TEKT1: variants seen among roughly 807,000 people sequenced by gnomAD.
TEKT1 encodes tektin-1.
In TEKT1, 32 loss-of-function variants were observed where a neutral mutation model predicts 34.8. The observed-to-expected ratio is 0.92, with a 90% CI of 0.69 to 1.23. The LOEUF (loss-of-function observed/expected upper bound fraction) is 1.23. Ranked by LOEUF, TEKT1 falls within the 50% of genes most tolerant of loss-of-function variation. The pLI is 0.00. For synonymous variants in TEKT1, 207 were observed against 199.8 expected (o/e 1.04, Z -0.30); for missense variants, 492 against 518.5 (o/e 0.95, Z 0.50).
chr17:6,812,807 C>T (rs750663557), intron 6 of TEKT1, 24 bp downstream of exon 6: 2 of 1,604,842 alleles, frequency 1.2e-6, no homozygotes, highest in Non-Finnish European at 1.7e-6. Flanking sequence ...TGCTCTTCTT[C>T]CATGCTCCCT....
intron 2 of TEKT1, among the ~76,000 whole-genome samples, chr17:6,828,146 A>G (rs753560743): frequency 2.6e-5 from 4 of 152,050 alleles, no homozygotes; most frequent in Non-Finnish European, 5.9e-5. Flanking sequence ...GGGTTTCACC[A>G]TGTTAGCCAG....
At chr17:6,821,178 T>A (rs1977084120) in intron 2 of TEKT1, among the ~76,000 whole-genome samples, 2 of 152,328 alleles carry the variant, frequency 1.3e-5, no homozygotes, top group African/African-American at 4.8e-5. Flanking sequence ...ATGCCAGATA[T>A]ACCCTTTGAT....
Position 6,814,100 on chromosome 17 carries a change from G to A in TEKT1, c.630-1047C>T, listed in dbSNP as rs550775141. On this transcript the variant is annotated intron_variant, in intron 5 of 7. Coordinates refer to ENST00000338694, the MANE Select transcript of TEKT1 (RefSeq NM_053285.2). Reference sequence around the variant, plus strand: ...ATCAGCTTGGAATTGGACCCCACCCGGGTCAAGCCTTCAGATGGATTGCAA... The same window carrying A: ...ATCAGCTTGGAATTGGACCCCACCCAGGTCAAGCCTTCAGATGGATTGCAA... Among the ~76,000 whole-genome samples the A allele has an allele frequency of 2.4e-3, 370 of 151,922 alleles. 1 individual carries two copies. The highest frequency in any genetic ancestry group is 4.1e-3 in the Non-Finnish European group (278 of 68,000).
In TEKT1 at chr17:6,804,187, A is replaced by G. The variant is rs373802124; in HGVS notation, c.853-3244T>C. ...AAGAGGTCCTTCACATCCCTTGTAA[A>G]TTGGATTCCTAGGTATTTTATTCTC... On this transcript the variant is annotated intron_variant, in intron 6 of 7. Coordinates refer to ENST00000338694, the MANE Select transcript of TEKT1 (RefSeq NM_053285.2). Among the ~76,000 whole-genome samples, 1,132 of 151,740 alleles carry G rather than the reference A, an allele frequency of 7.5e-3. 18 individuals carry two copies. Among genetic ancestry groups the G allele is most frequent in the African/African-American group, 0.026 (1,088 of 41,278 alleles).
At chr17:6,817,387 TA>T (rs1977021553) in intron 3 of TEKT1, among the ~76,000 whole-genome samples, 1 of 152,102 alleles carries the variant, frequency 6.6e-6, no homozygotes, top group African/African-American at 2.4e-5. Context: ...AAAAAAATTT[TA>T]AAAGATGTTT....
In TEKT1 at chr17:6,813,043, G is replaced by T; in HGVS notation, c.640C>A (p.Leu214Met). The change falls in exon 6 of 8, where the codon CTG becomes ATG. Residue 214 changes from leucine (L) to methionine (M), a missense_variant. Coordinates refer to ENST00000338694, the MANE Select transcript of TEKT1 (RefSeq NM_053285.2). The stretch of plus-strand genomic sequence containing the variant: ...CTGGAGAAGTCCAACCAGTCTTCCA[G>T]ACTCACGGAGCTGAAACAGACCTCA... ...AVRIEPNSVS[L>M]EDWLDFSSTN... 1 of 1,613,528 alleles carries T rather than the reference G, an allele frequency of 6.2e-7. No individual in the cohort carries two copies. The highest frequency in any genetic ancestry group is 2.2e-5 in the East Asian group (1 of 44,872).
chr17:6,815,076 G>C, intron 5 of TEKT1, 87 bp downstream of exon 5: 4 of 1,508,276 alleles, frequency 2.7e-6, no homozygotes, highest in Non-Finnish European at 3.6e-6. Flanking sequence ...CAAGCTCTCA[G>C]CCAGCTGCAA....
intron 5 of TEKT1, among the ~76,000 whole-genome samples, chr17:6,813,719 T>C (rs951528645): frequency 6.6e-6 from 1 of 151,954 alleles, no homozygotes; most frequent in Non-Finnish European, 1.5e-5. Flanking sequence ...ATAGGGATGG[T>C]GATAATGTTT....
rs1429727507 is a variant in TEKT1, at chr17:6,815,911, C to T, written c.408G>A (p.Leu136=). 1 of 1,614,174 alleles carries T rather than the reference C, an allele frequency of 6.2e-7. No individual in the cohort carries two copies. Among genetic ancestry groups the T allele is most frequent in the East Asian group, 2.2e-5 (1 of 44,866 alleles). Residue 136 remains leucine, a synonymous_variant, in exon 4 of 8, where the codon CTG becomes CTA. Transcript: ENST00000338694. ...DLVHDTVEHE[L]IKEAEIIQGI... ...CCTGGATGATCTCAGCCTCCTTTAT[C>T]AGCTCATGCTCCACTGTGTCGTGCA... is the stretch of plus-strand genomic sequence containing the variant.
At chr17:6,826,834 T>C (rs1435172693) in intron 2 of TEKT1, among the ~76,000 whole-genome samples, 1 of 151,918 alleles carries the variant, frequency 6.6e-6, no homozygotes, top group Non-Finnish European at 1.5e-5. Context: ...TAGCTGGGAC[T>C]ACAGGCACCC....
At chr17:6,822,510 CT>C (rs1281552942) in intron 2 of TEKT1, among the ~76,000 whole-genome samples, 1 of 152,116 alleles carries the variant, frequency 6.6e-6, no homozygotes, top group Non-Finnish European at 1.5e-5. Context: ...ATTTTCTTGT[CT>C]TTTCTTTGCT....
chr17:6,824,345 C>T (rs1434720059), intron 2 of TEKT1, among the ~76,000 whole-genome samples: 2 of 152,060 alleles, frequency 1.3e-5, no homozygotes, highest in Non-Finnish European at 2.9e-5. Flanking sequence ...ACCCAATGAA[C>T]TGAACATTCC....
rs755612732 is a variant in TEKT1 at position 6,800,825 on chromosome 17, G to A, written c.971C>T (p.Pro324Leu). ...GACATCACGACACAGCTCCACGTTC[G>A]GCCGGTGTGTCCTGGTCTCCAAGCG... Reference protein sequence around the residue: ...HTRLETRTHRPNVELCRDVAQ... With the variant: ...HTRLETRTHRLNVELCRDVAQ... The change falls in exon 7 of 8, where the codon CCG (proline) becomes CTG (leucine). Residue 324 changes from proline (P) to leucine (L), a missense_variant. Pro to Leu is a moderately conservative substitution (Grantham distance 98, BLOSUM62 -3). Transcript: ENST00000338694. 23 of 1,614,000 alleles carry A rather than the reference G, an allele frequency of 1.4e-5. No individual in the cohort carries two copies. The East Asian group carries it at 2.9e-4, about 20-fold the overall frequency.
intron 3 of TEKT1, 132 bp from the exon 4 acceptor site, chr17:6,816,094 T>A: frequency 7.9e-7 from 1 of 1,259,736 alleles, no homozygotes; most frequent in Non-Finnish European, 1.1e-6. Context: ...GATGACACAG[T>A]GGGTGACAGA....
chr17:6,826,665 T>C (rs1904406002), intron 2 of TEKT1, among the ~76,000 whole-genome samples: 2 of 137,452 alleles, frequency 1.5e-5, no homozygotes, highest in South Asian at 2.3e-4. Context: ...GATAGATAGA[T>C]AGATAATACG....
chr17:6,821,931 G>GCAGCCTGATCATGTGGTAGAAAAGAAAAA (rs1382089303), intron 2 of TEKT1, among the ~76,000 whole-genome samples: 1 of 152,100 alleles, frequency 6.6e-6, no homozygotes, highest in African/African-American at 2.4e-5. Context: ...TAAAAGGGAT[G>GCAGCCTGATCATGTGGTAGAAAAGAAAAA]CTCTGCTTCC....
intron 2 of TEKT1, among the ~76,000 whole-genome samples, chr17:6,826,601 A>C (rs1274048438): frequency 6.7e-6 from 1 of 149,858 alleles, no homozygotes; most frequent in African/African-American, 2.5e-5. Context: ...TTAGATATGC[A>C]CTCCACTTAG....
chr17:6,827,020 C>G (rs1194737552), intron 2 of TEKT1, among the ~76,000 whole-genome samples: 1 of 152,114 alleles, frequency 6.6e-6, no homozygotes, highest in Non-Finnish European at 1.5e-5. Flanking sequence ...ATATGAATAT[C>G]TAATTGGGCA....
chr17:6,800,860 C>T lies in TEKT1; in HGVS notation c.936G>A (p.Val312=), dbSNP rs1322582050. 6.2e-7 allele frequency: 1 copy of T among 1,614,170 alleles called. No individual in the cohort carries two copies. The highest frequency in any genetic ancestry group is 8.5e-7 in the Non-Finnish European group (1 of 1,180,030). Residue 312 remains valine (V), a synonymous_variant, in exon 7 of 8, where the codon GTG becomes GTA. Coordinates refer to ENST00000338694, the MANE Select transcript of TEKT1 (RefSeq NM_053285.2). ...AILDQEGPAK[V]AHTRLETRTH... ...TCCTGGTCTCCAAGCGCGTATGAGC[C>T]ACCTTGGCTGGCCCTTCTTGGTCAA... is the stretch of plus-strand genomic sequence containing the variant.
Sources: allele counts gnomAD v4.1 joint callset (sites outside exome capture counted in the v4.1 genomes callset), GRCh38; gene constraint gnomAD v4.1.1; transcripts MANE v1.5; gene names NCBI Gene and HGNC (gene_info 2026-07-23, HGNC 2026-07-21).